The following PHKB variants were observed in gnomAD, a reference collection of about 807,000 sequenced individuals.
PHKB encodes the protein phosphorylase b kinase regulatory subunit beta.
PHKB carries 122 observed loss-of-function variants against 152.1 expected under a neutral mutation model. The ratio of observed to expected loss-of-function variants is 0.80; its 90% confidence interval spans 0.69 to 0.93. The LOEUF (loss-of-function observed/expected upper bound fraction) is 0.93, where lower values mean the gene tolerates loss of function less well. PHKB is among the 40% of genes least tolerant of loss of function. The pLI, the probability that PHKB is intolerant of heterozygous loss-of-function variation, is 0.00. For missense variants in PHKB, 1,304 were observed against 1,328.4 expected (o/e 0.98, Z 0.29); for synonymous variants, 436 against 464.9 (o/e 0.94, Z 0.80).
At chr16:47,658,035 A>T (rs1452784319) in intron 20 of PHKB, among the ~76,000 whole-genome samples, 4 of 152,190 alleles carry the variant, frequency 2.6e-5, no homozygotes, top group Non-Finnish European at 5.9e-5. Context: ...GTCATATATC[A>T]TAAGCCTCCA....
intron 6 of PHKB, among the ~76,000 whole-genome samples, chr16:47,533,110 G>A (rs1597061567): frequency 6.6e-6 from 1 of 152,284 alleles, no homozygotes; most frequent in South Asian, 2.1e-4. Flanking sequence ...AGTTTCTGGA[G>A]TGGGTTGCTC....
At chr16:47,501,542 C>T (rs557897413) in intron 3 of PHKB, among the ~76,000 whole-genome samples, 10 of 152,158 alleles carry the variant, frequency 6.6e-5, no homozygotes, top group African/African-American at 2.4e-4. Context: ...AGGCAAATCT[C>T]CTTGTTTTCT....
intron 7 of PHKB, chr16:47,562,447 G>A (rs1390574368): frequency 6.6e-6 from 1 of 152,222 alleles, no homozygotes; most frequent in African/African-American, 2.4e-5. Flanking sequence ...AACAAAAAGA[G>A]ATGCAGCTTC....
At chr16:47,640,740 G>A (rs1290041563) in intron 14 of PHKB, among the ~76,000 whole-genome samples, 2 of 151,760 alleles carry the variant, frequency 1.3e-5, no homozygotes, top group Non-Finnish European at 2.9e-5. Flanking sequence ...AATGACTCTC[G>A]GTCCCCAAAC....
intron 7 of PHKB, chr16:47,565,334 T>C: frequency 1.2e-6 from 1 of 826,668 alleles, no homozygotes; most frequent in Non-Finnish European, 2.1e-6. Context: ...ATCTACTTTA[T>C]TTTCATCTTT....
At chr16:47,527,175 A>T (rs1342918406) in intron 6 of PHKB, among the ~76,000 whole-genome samples, 2 of 152,222 alleles carry the variant, frequency 1.3e-5, no homozygotes, top group African/African-American at 4.8e-5. Context: ...TCAACATGAG[A>T]TTAGAGGGGA....
chr16:47,508,229 T>C (rs1460838172), intron 4 of PHKB, among the ~76,000 whole-genome samples: 1 of 152,230 alleles, frequency 6.6e-6, no homozygotes, highest in East Asian at 1.9e-4. Flanking sequence ...CTGGGTTTTA[T>C]TGTCTTGACA....
chr16:47,600,723 ATC>A (rs1972207949), intron 13 of PHKB, among the ~76,000 whole-genome samples: 1 of 152,266 alleles, frequency 6.6e-6, no homozygotes, highest in Non-Finnish European at 1.5e-5. Flanking sequence ...AATGGTAAGT[ATC>A]TGTGTACCTA....
intron 6 of PHKB, among the ~76,000 whole-genome samples, chr16:47,546,779 G>T (rs1456685473): frequency 1.3e-5 from 2 of 152,058 alleles, no homozygotes; most frequent in Non-Finnish European, 2.9e-5. Flanking sequence ...CTTCCTGGCT[G>T]CTTTGTTTAC....
chr16:47,565,770 T>C, intron 7 of PHKB: 1 of 1,500,682 alleles, frequency 6.7e-7, no homozygotes, highest in Non-Finnish European at 9.2e-7. Flanking sequence ...TTGTTCCTTC[T>C]GTAGCTGTTC....
chr16:47,680,088 T>G (rs893801582), intron 26 of PHKB, among the ~76,000 whole-genome samples: 1 of 152,242 alleles, frequency 6.6e-6, no homozygotes, highest in Non-Finnish European at 1.5e-5. Context: ...TTTTCATATG[T>G]TGAACCAGCC....
chr16:47,610,207 C>T (rs1220312143), intron 13 of PHKB, among the ~76,000 whole-genome samples: 1 of 109,108 alleles, frequency 9.2e-6, no homozygotes, highest in African/African-American at 3.6e-5. Flanking sequence ...GATGGAGTTT[C>T]ACCATGTTGG....
intron 24 of PHKB, among the ~76,000 whole-genome samples, chr16:47,664,632 T>C (rs889298251): frequency 5.3e-5 from 8 of 152,206 alleles, no homozygotes; most frequent in African/African-American, 1.9e-4. Flanking sequence ...CTGTAAATTT[T>C]CAGTACAGTA....
intron 26 of PHKB, among the ~76,000 whole-genome samples, chr16:47,679,108 C>T (rs1973796021): frequency 6.6e-6 from 1 of 152,216 alleles, no homozygotes; most frequent in South Asian, 2.1e-4. Flanking sequence ...TCTGAGGGCT[C>T]TGTTCTGTTC....
chr16:47,512,228 G>T (rs1271903513), intron 5 of PHKB, among the ~76,000 whole-genome samples: 1 of 152,178 alleles, frequency 6.6e-6, no homozygotes, highest in Non-Finnish European at 1.5e-5. Context: ...CAAAATAGAA[G>T]TATAGAATCA....
Position 47,699,591 on chromosome 16 carries a change from T to A in PHKB, c.*225T>A, listed in dbSNP as rs1974213884. The A allele has an allele frequency of 1.7e-6, 1 of 589,398 alleles. No homozygotes were observed. The highest frequency in any genetic ancestry group is 3.1e-6 in the Non-Finnish European group (1 of 326,300). 36.5% of individuals were successfully genotyped at this position (589,398 alleles called of 1,614,324 possible). A position where few individuals can be genotyped will look rare whatever the true frequency, so the allele number is the denominator to read the frequency against. Reference sequence around the variant, plus strand: ...AAAAAGTTCTCATGATTATGCCAACTATAATAGTAATCCTCACTGAGTGAT... The same window carrying A: ...AAAAAGTTCTCATGATTATGCCAACAATAATAGTAATCCTCACTGAGTGAT... On this transcript the variant is annotated 3_prime_UTR_variant, in exon 31 of 31. Coordinates refer to ENST00000323584, the MANE Select transcript of PHKB (RefSeq NM_000293.3).
In PHKB at chr16:47,700,954, T is replaced by C. The variant is rs770616881; in HGVS notation, c.*1588T>C. 2 of 152,166 alleles carry C rather than the reference T, an allele frequency of 1.3e-5. No individual in the cohort carries two copies. The highest frequency in any genetic ancestry group is 2.9e-5 in the Non-Finnish European group (2 of 68,034). The allele number at this position is 152,166 out of a possible 1,614,324, so 9.4% of individuals were successfully genotyped here. ...GCATAAGAAATTGTATGGATATTAG[T>C]TGGCAAAATTGAAATGAATGAGACA... On this transcript the variant is annotated 3_prime_UTR_variant, in exon 31 of 31. Coordinates refer to ENST00000323584, the MANE Select transcript of PHKB (RefSeq NM_000293.3).
In PHKB at chr16:47,648,525, T is replaced by G. The variant is rs181283702; in HGVS notation, c.1609-8T>G. On this transcript the variant is annotated splice_polypyrimidine_tract_variant and splice_region_variant and intron_variant, in intron 16 of 30. Coordinates refer to ENST00000323584, the MANE Select transcript of PHKB (RefSeq NM_000293.3). The stretch of plus-strand genomic sequence containing the variant: ...CCTGACTCTAATTTACAAACTTGTG[T>G]CTTACAGGCTTATTTGCAGCTGGGT... 2.5e-6 allele frequency: 4 copies of G among 1,599,900 alleles called. No individual in the cohort carries two copies. The East Asian group carries it at 8.9e-5, about 36-fold the overall frequency.
At chr16:47,564,969 T>C (rs550638154) in intron 7 of PHKB, 2 of 247,852 alleles carry the variant, frequency 8.1e-6, no homozygotes, top group Admixed American at 4.9e-5. Context: ...TTTTTTTTTT[T>C]TTCCCCCAGG....
Sources: allele counts gnomAD v4.1 joint callset (sites outside exome capture counted in the v4.1 genomes callset), GRCh38; gene constraint gnomAD v4.1.1; transcripts MANE v1.5; gene names NCBI Gene and HGNC (gene_info 2026-07-23, HGNC 2026-07-21).